GGTLC1: variants seen among roughly 807,000 people sequenced by gnomAD.
The protein encoded by GGTLC1 is gamma-glutamyltransferase light chain 1.
In GGTLC1, 14 loss-of-function variants were observed where a neutral mutation model predicts 19.5. The observed-to-expected ratio is 0.72, with a 90% CI of 0.47 to 1.12. The LOEUF (loss-of-function observed/expected upper bound fraction) is 1.12. Ranked by LOEUF, GGTLC1 falls within the 50% of genes most tolerant of loss-of-function variation. GGTLC1 has a pLI of 0.00. For synonymous variants in GGTLC1, 110 were observed against 124.2 expected (o/e 0.89, Z 0.76); for missense variants, 304 against 309.2 (o/e 0.98, Z 0.13).
In GGTLC1 at chr20:23,985,884, T is replaced by A; in HGVS notation, c.395A>T (p.Gln132Leu). The change falls in exon 4 of 6, where the codon CAG becomes CTG. Residue 132 changes from glutamine to leucine, a missense_variant. Coordinates refer to ENST00000335694, the MANE Select transcript of GGTLC1 (RefSeq NM_178311.3). Reference protein sequence around the residue: ...RMVVGAAGGTQITMATALAII... With the variant: ...RMVVGAAGGTLITMATALAII... ...TACCAGTGCAGTGGCCATGGTGATC[T>A]GCGTGCCCCCGGCAGCTCCCACCAC... 1 of 1,612,042 alleles carries A rather than the reference T, an allele frequency of 6.2e-7. No homozygotes were observed. The highest frequency in any genetic ancestry group is 8.5e-7 in the Non-Finnish European group (1 of 1,179,870).
intron 1 of GGTLC1, chr20:23,986,920 A>G: frequency 1.0e-6 from 1 of 967,354 alleles, no homozygotes; most frequent in Non-Finnish European, 1.4e-6. Context: ...TTTGCACTGC[A>G]TGCCTGGCAC....
Position 23,985,183 on chromosome 20 carries a change from G to T in GGTLC1, c.*33C>A. On this transcript the variant is annotated 3_prime_UTR_variant, in exon 6 of 6. Coordinates refer to ENST00000335694, the MANE Select transcript of GGTLC1 (RefSeq NM_178311.3). ...TCGTCCTGGTGAGTATTTTGTTCCT[G>T]GATTGCTTGTCAGCCTTGTCCGCCT... 1 of 1,611,930 alleles carries T rather than the reference G, an allele frequency of 6.2e-7. No homozygotes were observed. The highest frequency in any genetic ancestry group is 8.5e-7 in the Non-Finnish European group (1 of 1,179,826).
intron 1 of GGTLC1, 133 bp downstream of exon 1, chr20:23,988,476 G>A (rs1451700790): frequency 1.4e-5 from 3 of 220,456 alleles, no homozygotes; most frequent in Non-Finnish European, 2.3e-5. Context: ...AGTGATCCAC[G>A]GGCAGATCTG....
chr20:23,985,915 G>A lies in GGTLC1; in HGVS notation c.364C>T (p.Arg122Trp), dbSNP rs1217439000. Residue 122 changes from arginine (R) to tryptophan (W), a missense_variant, in exon 4 of 6, where the codon CGG becomes TGG. Coordinates refer to ENST00000335694, the MANE Select transcript of GGTLC1 (RefSeq NM_178311.3). ...TIMVGQDGQV[R>W]MVVGAAGGTQ... ...CCCCCGGCAGCTCCCACCACCATCC[G>A]GACCTGGCCGTCCTGGCCCACCATG... The A allele has an allele frequency of 2.0e-5, 32 of 1,611,864 alleles. No individual in the cohort carries two copies. The highest frequency in any genetic ancestry group is 2.2e-5 in the East Asian group (1 of 44,874).
chr20:23,986,159 T>C lies in GGTLC1; in HGVS notation c.221A>G (p.Asn74Ser), dbSNP rs775634533. Residue 74 changes from asparagine to serine, a missense_variant, in exon 3 of 6, where the codon AAT becomes AGT. Physicochemically the swap from Asn to Ser is conservative, Grantham distance 46 (BLOSUM62 1). Transcript: ENST00000335694. Reference protein sequence around the residue: ...VRSPVSGILLNNEMDDFSSTS... With the variant: ...VRSPVSGILLSNEMDDFSSTS... ...AGAGCTGAAGTCATCCATTTCATTA[T>C]TGAGCAGGATCCCGCTGACTGGGGA... 6.2e-6 allele frequency: 10 copies of C among 1,613,760 alleles called. No individual in the cohort carries two copies. Among genetic ancestry groups the C allele is most frequent in the Non-Finnish European group, 7.6e-6 (9 of 1,179,794 alleles).
intron 5 of GGTLC1, 92 bp downstream of exon 5, chr20:23,985,575 A>T: frequency 6.2e-7 from 1 of 1,603,092 alleles, no homozygotes; most frequent in East Asian, 2.2e-5. Flanking sequence ...AGAGGACACC[A>T]ACCATTGTCC....
rs190766643 is a variant in GGTLC1 at position 23,986,874 on chromosome 20, A to G, written c.-34-229T>C. 1,288 of 1,396,384 alleles carry G rather than the reference A, an allele frequency of 9.2e-4. 23 individuals carry two copies. In the East Asian group the frequency reaches 0.031, roughly 34 times the overall value. 86.5% of individuals were successfully genotyped at this position (1,396,384 alleles called of 1,614,324 possible). On this transcript the variant is annotated intron_variant, in intron 1 of 5. Transcript: ENST00000335694. ...AGCCTCCAGACCCTTGCTGCATTCA[A>G]TCACTCATTCCTTCATGCAAAAAAT... is the stretch of plus-strand genomic sequence containing the variant.
intron 1 of GGTLC1, among the ~76,000 whole-genome samples, chr20:23,987,666 G>A (rs1600497610): frequency 6.7e-6 from 1 of 149,688 alleles, no homozygotes; most frequent in Non-Finnish European, 1.5e-5. Flanking sequence ...AGGCAGTGGC[G>A]AGGAGGAGAT....
In GGTLC1 at chr20:23,985,718, C is replaced by T. The variant is rs1476690570; in HGVS notation, c.480G>A (p.Leu160=). ...DVKWAVEEPR[L]HNQLLPNVTT... is the part of the protein sequence containing the mutation. The stretch of plus-strand genomic sequence containing the variant: ...TGACGTTGGGCAGAAGCTGGTTGTG[C>T]AGCCGGGGCTCCTCCACGGCCCACT... The change falls in exon 5 of 6, where the codon CTG becomes CTA. Residue 160 remains leucine (L), a synonymous_variant. Coordinates refer to ENST00000335694, the MANE Select transcript of GGTLC1 (RefSeq NM_178311.3). The T allele has an allele frequency of 2.5e-6, 4 of 1,611,938 alleles. No homozygotes were observed. Among genetic ancestry groups the T allele is most frequent in the African/African-American group, 2.7e-5 (2 of 74,864 alleles).
Position 23,985,751 on chromosome 20 carries a change from A to G in GGTLC1, c.447T>C (p.Tyr149=), listed in dbSNP as rs144772121. The G allele has an allele frequency of 6.2e-7, 1 of 1,612,036 alleles. No homozygotes were observed. The highest frequency in any genetic ancestry group is 8.5e-7 in the Non-Finnish European group (1 of 1,179,860). Reference sequence around the variant, plus strand: ...GCTCCTCCACGGCCCACTTCACGTCATAGCCGAACCAGAGGTTGTAGATGA... The same window carrying G: ...GCTCCTCCACGGCCCACTTCACGTCGTAGCCGAACCAGAGGTTGTAGATGA... ...LAIIYNLWFG[Y]DVKWAVEEPR... Residue 149 remains tyrosine (Y), a synonymous_variant, in exon 5 of 6, where the codon TAT becomes TAC. Transcript: ENST00000335694.
chr20:23,985,159 C>T lies in GGTLC1; in HGVS notation c.*57G>A, dbSNP rs1206912722. ...GCCTGTCCCCCAAAGTCCTCTTCCT[C>T]GTCCTGGTGAGTATTTTGTTCCTGG... On this transcript the variant is annotated 3_prime_UTR_variant, in exon 6 of 6. Transcript: ENST00000335694. 1.1e-5 allele frequency: 17 copies of T among 1,610,352 alleles called. No individual in the cohort carries two copies. Among genetic ancestry groups the T allele is most frequent in the Non-Finnish European group, 1.4e-5 (16 of 1,179,016 alleles).
intron 5 of GGTLC1, 52 bp downstream of exon 5, chr20:23,985,615 C>G (rs1177588998): frequency 6.2e-6 from 10 of 1,610,504 alleles, no homozygotes; most frequent in Non-Finnish European, 8.5e-6. Flanking sequence ...CTCCAGCCCA[C>G]GATGCCCTGG....
At chr20:23,986,978 GA>G in intron 1 of GGTLC1, 1 of 508,088 alleles carries the variant, frequency 2.0e-6, no homozygotes, top group Admixed American at 3.6e-5. Flanking sequence ...CTCATGCCAA[GA>G]AAAACAAACA....
At chr20:23,987,454 T>G (rs1987997231) in intron 1 of GGTLC1, among the ~76,000 whole-genome samples, 1 of 152,072 alleles carries the variant, frequency 6.6e-6, no homozygotes, top group Non-Finnish European at 1.5e-5. Flanking sequence ...ACTAGCGAGG[T>G]AAACTCTGCA....
chr20:23,986,110 C>G lies in GGTLC1; in HGVS notation c.270G>C (p.Gly90=). 6.2e-7 allele frequency: 1 copy of G among 1,613,804 alleles called. No individual in the cohort carries two copies. The highest frequency in any genetic ancestry group is 8.5e-7 in the Non-Finnish European group (1 of 1,179,842). The change falls in exon 3 of 6, where the codon GGG becomes GGC. Residue 90 remains glycine (G), a synonymous_variant. Transcript: ENST00000335694. ...TGAAATTGGCAGGTGAGGGGGGTAC[C>G]CCAAACTCGTTGGTGATGCTGGTAG... The part of the protein sequence containing the change: ...FSSTSITNEF[G]VPPSPANFIQ...
At position 23,985,464 on chromosome 20, in the gene GGTLC1, C is replaced by A; in HGVS notation, c.532-102G>T. ...TCAGCCCAGGTGGTGCCATTTCAGG[C>A]CAGGTCATCAGGAAGAGCAGGTTGG... is the stretch of plus-strand genomic sequence containing the variant. On this transcript the variant is annotated intron_variant, in intron 5 of 5. Transcript: ENST00000335694. 7 of 1,606,582 alleles carry A rather than the reference C, an allele frequency of 4.4e-6. 1 individual carries two copies. The South Asian group carries it at 5.5e-5, about 13-fold the overall frequency.
chr20:23,985,664 C>T lies in GGTLC1; in HGVS notation c.531+3G>A, dbSNP rs755277733. On this transcript the variant is annotated splice_donor_region_variant and intron_variant, in intron 5 of 5. Transcript: ENST00000335694. ...GACTCAGTTTCTCCAACCCCCAGCC[C>T]ACCTGGTCAATGTTTCTCTCCACTG... The T allele has an allele frequency of 2.5e-6, 4 of 1,611,856 alleles. No individual in the cohort carries two copies. In the African/African-American group the frequency reaches 4.0e-5, roughly 16 times the overall value.
rs148590178 is a variant in GGTLC1 at position 23,985,757 on chromosome 20, G to A, written c.441C>T (p.Phe147=). The A allele has an allele frequency of 8.0e-5, 129 of 1,611,934 alleles. No individual in the cohort carries two copies. The highest frequency in any genetic ancestry group is 1.0e-4 in the Non-Finnish European group (123 of 1,179,876). The part of the protein sequence containing the change: ...TALAIIYNLW[F]GYDVKWAVEE... ...CCACGGCCCACTTCACGTCATAGCCGAACCAGAGGTTGTAGATGATGGCCT... is the reference window on the plus strand; with the variant it reads ...CCACGGCCCACTTCACGTCATAGCCAAACCAGAGGTTGTAGATGATGGCCT... The change falls in exon 5 of 6, where the codon TTC becomes TTT. Residue 147 remains phenylalanine (F), a synonymous_variant. Transcript: ENST00000335694.
chr20:23,985,053 T>C lies in GGTLC1; in HGVS notation c.*163A>G. On this transcript the variant is annotated 3_prime_UTR_variant, in exon 6 of 6. Coordinates refer to ENST00000335694, the MANE Select transcript of GGTLC1 (RefSeq NM_178311.3). ...ACACAATACACTGAGGCCCAGAGAG[T>C]GGGGAGACAGGCCAGGGAGGCCACC... 1.1e-6 allele frequency: 1 copy of C among 899,310 alleles called. No individual in the cohort carries two copies. Among genetic ancestry groups the C allele is most frequent in the Admixed American group, 2.1e-5 (1 of 46,656 alleles). The allele number at this position is 899,310 out of a possible 1,614,324, so 55.7% of individuals were successfully genotyped here. A position where few individuals can be genotyped will look rare whatever the true frequency, so the allele number is the denominator to read the frequency against.
Sources: allele counts gnomAD v4.1 joint callset (sites outside exome capture counted in the v4.1 genomes callset), GRCh38; gene constraint gnomAD v4.1.1; transcripts MANE v1.5; gene names NCBI Gene and HGNC (gene_info 2026-07-23, HGNC 2026-07-21).